The following PAX7 variants were observed in gnomAD, a reference collection of about 807,000 sequenced individuals.
PAX7 encodes paired box 7, also known as paired box protein Pax-7.
PAX7 carries 18 observed loss-of-function variants against 50.7 expected under a neutral mutation model. The ratio of observed to expected loss-of-function variants is 0.36; its 90% confidence interval spans 0.25 to 0.53. The LOEUF is 0.53. Among genes scored for constraint, PAX7 ranks in the 20% least tolerant of loss-of-function variants. The pLI, the probability that PAX7 is intolerant of heterozygous loss-of-function variation, is 0.93. For missense variants in PAX7, 644 were observed against 702.9 expected (o/e 0.92, Z 0.95); for synonymous variants, 310 against 290.4 (o/e 1.07, Z -0.69).
chr1:18,688,284 C>T (rs2089005662), intron 4 of PAX7, among the ~76,000 whole-genome samples: 1 of 152,184 alleles, frequency 6.6e-6, no homozygotes, highest in South Asian at 2.1e-4. Context: ...TTAAATTCTA[C>T]CTAGAGACTA....
chr1:18,684,231 G>A (rs976596601), intron 4 of PAX7, among the ~76,000 whole-genome samples: 2 of 152,252 alleles, frequency 1.3e-5, no homozygotes, highest in Admixed American at 1.3e-4. Context: ...CAAGCTAACA[G>A]GGACTCGGGA....
chr1:18,711,570 G>A (rs2089352111), intron 7 of PAX7, among the ~76,000 whole-genome samples: 1 of 152,152 alleles, frequency 6.6e-6, no homozygotes, highest in Non-Finnish European at 1.5e-5. Context: ...CAGGTGCAGG[G>A]GGTTCCCTCT....
At position 18,636,263 on chromosome 1, in the gene PAX7, CTCAGAA is replaced by C. The variant is rs1385533031; in HGVS notation, c.482_487del (p.Arg161_Ile162del). The C allele has an allele frequency of 1.2e-6, 2 of 1,614,012 alleles. No homozygotes were observed. The highest frequency in any genetic ancestry group is 1.7e-6 in the Non-Finnish European group (2 of 1,179,998). ...TTTAGTGAGTTCGATTAGCCGCGTGCTCAGAATCAAGTTCGGGAAGAAAGAGGAGGA... is the reference window on the plus strand; with the variant it reads ...TTTAGTGAGTTCGATTAGCCGCGTGCTCAAGTTCGGGAAGAAAGAGGAGGA... On this transcript the variant is annotated inframe_deletion, in exon 4 of 9. Coordinates refer to ENST00000420770, the MANE Select transcript of PAX7 (RefSeq NM_001135254.2). The surrounding 1 kb of genome is among the most constrained non-coding windows in gnomAD (Gnocchi z 5.1).
At chr1:18,738,352 C>G (rs551141484) in intron 8 of PAX7, among the ~76,000 whole-genome samples, 2 of 152,258 alleles carry the variant, frequency 1.3e-5, no homozygotes, top group South Asian at 4.1e-4. Context: ...CTGGGGCAGG[C>G]GTTAGTCACA....
At chr1:18,732,553 A>G (rs1408811808) in intron 7 of PAX7, among the ~76,000 whole-genome samples, 3 of 152,240 alleles carry the variant, frequency 2.0e-5, no homozygotes, top group Admixed American at 6.5e-5. Context: ...TGAATGAAGG[A>G]TATCTTCAAG....
Position 18,634,583 on chromosome 1 carries a change from CG to C in PAX7, c.321+50del. ...AGGCTGGCAGCTGGCTTCCTATAGT[CG>C]GGGGCTCCTGGTTGTGGCCCCTCTT... is the stretch of plus-strand genomic sequence containing the variant. On this transcript the variant is annotated intron_variant, in intron 2 of 8. Transcript: ENST00000420770. This position sits in a 1 kb window ranked among gnomAD's most constrained non-coding sequence, Gnocchi z 4.0. The C allele has an allele frequency of 6.4e-7, 1 of 1,550,836 alleles. No homozygotes were observed. Among genetic ancestry groups the C allele is most frequent in the Non-Finnish European group, 8.9e-7 (1 of 1,127,466 alleles).
rs1007357826 is a variant in PAX7, at chr1:18,635,102, C to G, written c.322-9C>G. ...TTCCACTCCTACTCTCCCACCTCCA[C>G]CTCTGAAGCAGGTGGCGACTCCGGA... On this transcript the variant is annotated splice_polypyrimidine_tract_variant and intron_variant, in intron 2 of 8. Transcript: ENST00000420770. 6.2e-7 allele frequency: 1 copy of G among 1,613,550 alleles called. No individual in the cohort carries two copies. The highest frequency in any genetic ancestry group is 1.7e-5 in the Admixed American group (1 of 59,998).
chr1:18,741,802 T>G, intron 8 of PAX7, among the ~76,000 whole-genome samples: 1 of 152,214 alleles, frequency 6.6e-6, no homozygotes, highest in East Asian at 1.9e-4. Context: ...AATGCAGAAT[T>G]TGGGGTGCAG....
At chr1:18,732,099 C>T (rs145772030) in intron 7 of PAX7, among the ~76,000 whole-genome samples, 154 of 152,352 alleles carry the variant, frequency 1.0e-3, no homozygotes, top group African/African-American at 3.2e-3. Context: ...CTTCTCAGGG[C>T]TGTTCTTTCT....
chr1:18,736,480 A>G (rs1930653696), intron 8 of PAX7, among the ~76,000 whole-genome samples: 1 of 151,870 alleles, frequency 6.6e-6, no homozygotes, highest in Admixed American at 6.6e-5. Context: ...AAAAAAAAAA[A>G]AATCAAGGAG....
chr1:18,656,827 C>T (rs1286114094), intron 4 of PAX7, among the ~76,000 whole-genome samples: 1 of 151,498 alleles, frequency 6.6e-6, no homozygotes, highest in South Asian at 2.1e-4. Context: ...CCTCTCTCTA[C>T]CAAAAAATAA....
rs1344952697 is a variant in PAX7, at chr1:18,631,438, G to A, written c.-166G>A. The A allele has an allele frequency of 1.1e-5, 7 of 634,950 alleles. No individual in the cohort carries two copies. Among genetic ancestry groups the A allele is most frequent in the Admixed American group, 8.2e-5 (3 of 36,492 alleles). 39.3% of individuals were successfully genotyped at this position (634,950 alleles called of 1,614,324 possible). A position where few individuals can be genotyped will look rare whatever the true frequency, so the allele number is the denominator to read the frequency against. On this transcript the variant is annotated 5_prime_UTR_variant, in exon 1 of 9. Transcript: ENST00000420770. ...CAGCTTCTGGACGCGTTTGACTGCA[G>A]CCAGGGGTGGGGGGTGGGGGTAGGG... is the stretch of plus-strand genomic sequence containing the variant.
At chr1:18,704,288 G>C (rs1324141201) in intron 7 of PAX7, among the ~76,000 whole-genome samples, 1 of 152,172 alleles carries the variant, frequency 6.6e-6, no homozygotes, top group African/African-American at 2.4e-5. Flanking sequence ...ATGTATGGTG[G>C]CTTTTTTGCC....
chr1:18,634,957 T>C lies in PAX7; in HGVS notation c.322-154T>C, dbSNP rs571896690. 1.7e-4 allele frequency among the ~76,000 whole-genome samples: 26 copies of C among 152,264 alleles called. No individual in the cohort carries two copies. Among genetic ancestry groups the C allele is most frequent in the Admixed American group, 1.1e-3 (17 of 15,290 alleles). ...TTCCTGGGAGCCAGGAACCGGTTTC[T>C]TGAAAGGATAAAGCCAATCTCTTGG... is the stretch of plus-strand genomic sequence containing the variant. On this transcript the variant is annotated intron_variant, in intron 2 of 8. Transcript: ENST00000420770. The surrounding 1 kb of genome is among the most constrained non-coding windows in gnomAD (Gnocchi z 4.0).
At chr1:18,733,939 A>G (rs986634527) in intron 7 of PAX7, among the ~76,000 whole-genome samples, 47 of 152,090 alleles carry the variant, frequency 3.1e-4, no homozygotes, top group African/African-American at 1.1e-3. Flanking sequence ...GCTTTGCCCC[A>G]CAAATCTCTG....
At chr1:18,718,487 C>T (rs964896969) in intron 7 of PAX7, among the ~76,000 whole-genome samples, 10 of 152,114 alleles carry the variant, frequency 6.6e-5, no homozygotes, top group South Asian at 2.1e-4. Context: ...GCAAGGCAGC[C>T]GGTCCCAGGC....
At chr1:18,724,401 C>T (rs1348416435) in intron 7 of PAX7, among the ~76,000 whole-genome samples, 4 of 152,346 alleles carry the variant, frequency 2.6e-5, no homozygotes, top group African/African-American at 7.2e-5. Flanking sequence ...AGCCCCAACA[C>T]AGCCAAGGCA....
At chr1:18,703,899 C>G (rs1428753120) in intron 7 of PAX7, among the ~76,000 whole-genome samples, 2 of 152,194 alleles carry the variant, frequency 1.3e-5, no homozygotes, top group Non-Finnish European at 2.9e-5. Flanking sequence ...AACAGTGAAG[C>G]CTGTGGAATG....
chr1:18,712,455 C>CT (rs1276332392), intron 7 of PAX7, among the ~76,000 whole-genome samples: 2 of 152,340 alleles, frequency 1.3e-5, no homozygotes, highest in African/African-American at 4.8e-5. Context: ...TTTCCTACCC[C>CT]TTTTTCCTGG....
Sources: allele counts gnomAD v4.1 joint callset (sites outside exome capture counted in the v4.1 genomes callset), GRCh38; gene constraint gnomAD v4.1.1; non-coding constraint Gnocchi (gnomAD v3.1); transcripts MANE v1.5; gene names NCBI Gene and HGNC (gene_info 2026-07-23, HGNC 2026-07-21).